NYAP2: variants seen among roughly 807,000 people sequenced by gnomAD.
NYAP2 encodes the protein neuronal tyrosine-phosphorylated phosphoinositide-3-kinase adaptor 2, also known as neuronal tyrosine-phosphorylated phosphoinositide-3-kinase adapter 2.
A neutral mutation model predicts 50.4 loss-of-function variants in NYAP2; 23 were observed. The ratio of observed to expected loss-of-function variants is 0.46; its 90% CI spans 0.33 to 0.65. The LOEUF is 0.65. NYAP2 is among the 30% of genes least tolerant of loss of function. The pLI is 0.02. For synonymous variants in NYAP2, 394 were observed against 365.2 expected, an observed-to-expected ratio of 1.08 and a Z score of -0.90; for missense variants, 885 against 861.0, an observed-to-expected ratio of 1.03 and a Z score of -0.35.
At chr2:225,445,130 G>A (rs895400270) in intron 3 of NYAP2, among the ~76,000 whole-genome samples, 6 of 151,882 alleles carry the variant, frequency 4.0e-5, no homozygotes, top group African/African-American at 1.2e-4. Flanking sequence ...AACATGTTTG[G>A]GTTACTCATA....
intron 3 of NYAP2, among the ~76,000 whole-genome samples, chr2:225,449,901 G>A (rs1163384050): frequency 2.0e-5 from 3 of 151,998 alleles, no homozygotes; most frequent in Non-Finnish European, 4.4e-5. Flanking sequence ...ACAGTCATGA[G>A]CCACCACACC....
In NYAP2 at chr2:225,473,045, G is replaced by A. The variant is rs182614836; in HGVS notation, c.222-40326G>A. ...CATTGTTCAATTCCCACATATGAGT[G>A]AGAACATGCGGTGTTTGGTTTTTTG... On this transcript the variant is annotated intron_variant, in intron 3 of 6. Transcript: ENST00000636099. Among the ~76,000 whole-genome samples the A allele has an allele frequency of 5.0e-3, 763 of 152,322 alleles. 4 individuals carry two copies. The highest frequency in any genetic ancestry group is 0.017 in the African/African-American group (709 of 41,558).
At chr2:225,451,577 A>T (rs1295286465) in intron 3 of NYAP2, among the ~76,000 whole-genome samples, 1 of 152,144 alleles carries the variant, frequency 6.6e-6, no homozygotes, top group Non-Finnish European at 1.5e-5. Flanking sequence ...TGTGATTGTA[A>T]TTTAGAATAA....
intron 3 of NYAP2, among the ~76,000 whole-genome samples, chr2:225,431,772 T>C (rs1487795009): frequency 6.6e-6 from 1 of 152,204 alleles, no homozygotes; most frequent in Admixed American, 6.5e-5. Flanking sequence ...AGTCCACTTA[T>C]AAGGCAAGCC....
intron 4 of NYAP2, among the ~76,000 whole-genome samples, chr2:225,518,178 TA>T (rs1440870984): frequency 6.6e-6 from 1 of 151,776 alleles, no homozygotes; most frequent in African/African-American, 2.4e-5. Context: ...TATTCAGTCA[TA>T]AAAAGGAATA....
the NYAP2 span, among the ~76,000 whole-genome samples, chr2:225,674,969 GGAAA>G: frequency 1.3e-5 from 2 of 152,046 alleles, no homozygotes; most frequent in African/African-American, 4.8e-5. Context: ...TGTGTTAACA[GGAAA>G]GAAAGGATGA....
chr2:225,519,079 A>T (rs1690995447), intron 4 of NYAP2, among the ~76,000 whole-genome samples: 1 of 151,974 alleles, frequency 6.6e-6, no homozygotes, highest in African/African-American at 2.4e-5. Context: ...GGCCCAAATA[A>T]ACAGAAAAAT....
At chr2:225,693,475 A>C in the NYAP2 span, among the ~76,000 whole-genome samples, 1 of 152,020 alleles carries the variant, frequency 6.6e-6, no homozygotes. Flanking sequence ...GATGTTTGCC[A>C]GGTTTCTTGT....
chr2:225,525,478 T>G (rs1691134967), intron 4 of NYAP2, among the ~76,000 whole-genome samples: 1 of 152,118 alleles, frequency 6.6e-6, no homozygotes, highest in Non-Finnish European at 1.5e-5. Flanking sequence ...TCTATCAGAT[T>G]AGATGGAACT....
chr2:225,412,201 C>T (rs1381281290), intron 3 of NYAP2, among the ~76,000 whole-genome samples: 2 of 147,198 alleles, frequency 1.4e-5, no homozygotes, highest in Non-Finnish European at 3.0e-5. Context: ...TCATGATCCG[C>T]CTGCCTCAGC....
chr2:225,564,279 A>G (rs965790214), intron 4 of NYAP2, among the ~76,000 whole-genome samples: 4 of 149,098 alleles, frequency 2.7e-5, no homozygotes, highest in Non-Finnish European at 6.0e-5. Context: ...CCTCCAAATA[A>G]TGTGAAAAAA....
intron 3 of NYAP2, among the ~76,000 whole-genome samples, chr2:225,490,952 A>G (rs1035804957): frequency 2.0e-5 from 3 of 152,072 alleles, no homozygotes; most frequent in African/African-American, 4.8e-5. Context: ...GGAATTTTTC[A>G]TTTGTTCCAT....
At chr2:225,600,499 T>C (rs1574702526) in intron 5 of NYAP2, among the ~76,000 whole-genome samples, 1 of 152,218 alleles carries the variant, frequency 6.6e-6, no homozygotes, top group South Asian at 2.1e-4. Context: ...GTTATCATCT[T>C]TGTTTTCAAC....
intron 4 of NYAP2, among the ~76,000 whole-genome samples, chr2:225,520,838 T>C (rs1691040406): frequency 6.6e-6 from 1 of 152,136 alleles, no homozygotes; most frequent in South Asian, 2.1e-4. Flanking sequence ...ATGGGGATAG[T>C]ATTGAATCTA....
At chr2:225,676,884 C>G in the NYAP2 span, among the ~76,000 whole-genome samples, 1 of 152,136 alleles carries the variant, frequency 6.6e-6, no homozygotes, top group Non-Finnish European at 1.5e-5. Context: ...ATTGCTTTGA[C>G]TATTTGGGCT....
chr2:225,574,688 A>C (rs140977073), intron 4 of NYAP2, among the ~76,000 whole-genome samples: 4 of 151,358 alleles, frequency 2.6e-5, no homozygotes, highest in Admixed American at 1.3e-4. Context: ...ACATTTCTTT[A>C]GATGAAAGAC....
intron 3 of NYAP2, among the ~76,000 whole-genome samples, chr2:225,508,472 G>T (rs1365640826): frequency 6.6e-6 from 1 of 152,158 alleles, no homozygotes; most frequent in Non-Finnish European, 1.5e-5. Flanking sequence ...TGTCAGTTCA[G>T]GTCTCCCAGG....
intron 3 of NYAP2, among the ~76,000 whole-genome samples, chr2:225,462,990 A>ACTTAAAT (rs1379905401): frequency 2.0e-5 from 3 of 152,262 alleles, no homozygotes; most frequent in Non-Finnish European, 4.4e-5. Flanking sequence ...TACAGACCAG[A>ACTTAAAT]CATGTAACTT....
At chr2:225,651,223 T>C (rs1272687938) in intron 6 of NYAP2, among the ~76,000 whole-genome samples, 1 of 152,114 alleles carries the variant, frequency 6.6e-6, no homozygotes, top group South Asian at 2.1e-4. Context: ...CTTCTGAGAG[T>C]TGTTCCCCAG....
Sources: gnomAD v4.1 joint callset for allele counts (sites outside exome capture counted in the v4.1 genomes callset) on GRCh38, gnomAD v4.1.1 for gene constraint, MANE v1.5 for transcripts, NCBI Gene and HGNC (gene_info 2026-07-23, HGNC 2026-07-21) for gene names.